VPS8: variants seen among roughly 807,000 people sequenced by gnomAD.
The protein encoded by VPS8 is VPS8 subunit of CORVET complex, also known as vacuolar protein sorting-associated protein 8 homolog.
Under a neutral mutation model 216.4 loss-of-function variants are expected in VPS8, and 129 were observed. That is an observed-to-expected ratio of 0.60 (90% confidence interval 0.52 to 0.69). The LOEUF is 0.69. Among genes scored for constraint, VPS8 ranks in the 30% least tolerant of loss-of-function variants. The pLI is 0.00. For synonymous variants in VPS8, 571 were observed against 565.4 expected, an observed-to-expected ratio of 1.01 and a Z score of -0.14; for missense variants, 1,531 against 1,683.5, an observed-to-expected ratio of 0.91 and a Z score of 1.59.
At position 184,929,596 on chromosome 3, in the gene VPS8, T is replaced by C. The variant is rs1246845684; in HGVS notation, c.2731T>C (p.Phe911Leu). The C allele has an allele frequency of 6.5e-7, 1 of 1,528,542 alleles. No homozygotes were observed. Among genetic ancestry groups the C allele is most frequent in the Non-Finnish European group, 8.8e-7 (1 of 1,131,670 alleles). 94.7% of individuals were successfully genotyped at this position (1,528,542 alleles called of 1,614,324 possible). A position where few individuals can be genotyped will look rare whatever the true frequency, so the allele number is the denominator to read the frequency against. ...EKAEFYQICE[F>L]MYEREHQYDK... ...ACATTCTAGCTATCAAATTTGTGAATTTATGTATGAAAGAGAACACCAATA... is the reference window on the plus strand; with the variant it reads ...ACATTCTAGCTATCAAATTTGTGAACTTATGTATGAAAGAGAACACCAATA... Residue 911 changes from phenylalanine to leucine, a missense_variant, in exon 33 of 48, where the codon TTT becomes CTT. Phe to Leu is a conservative substitution (Grantham distance 22). Transcript: ENST00000625842.
chr3:184,860,973 C>T (rs1428765736), intron 15 of VPS8, among the ~76,000 whole-genome samples: 3 of 151,966 alleles, frequency 2.0e-5, no homozygotes, highest in South Asian at 2.1e-4. Context: ...AGGTGCCCCC[C>T]CATCACGCCT....
intron 40 of VPS8, among the ~76,000 whole-genome samples, chr3:184,975,994 T>A (rs563357127): frequency 1.6e-4 from 24 of 152,286 alleles, no homozygotes; most frequent in African/African-American, 5.5e-4. Context: ...TTTGTCCTCC[T>A]TCCTCATTCC....
chr3:184,898,694 C>T, intron 24 of VPS8, 40 bp downstream of exon 24: 2 of 1,455,832 alleles, frequency 1.4e-6, no homozygotes, highest in East Asian at 5.1e-5. Flanking sequence ...TTAATTTTGT[C>T]TACTAACTTT....
rs530384706 is a variant in VPS8, at chr3:184,999,036, C to T, written c.3837-660C>T. Among the ~76,000 whole-genome samples the T allele has an allele frequency of 1.3e-5, 2 of 151,874 alleles. 1 individual carries two copies. The highest frequency in any genetic ancestry group is 4.2e-4 in the South Asian group (2 of 4,816). ...ATCTGGGACTACAGGTGTGTGCCAC[C>T]ACACCTGGCTAATTTTTTGGTTTTT... On this transcript the variant is annotated intron_variant, in intron 44 of 47. Transcript: ENST00000625842.
At chr3:184,825,413 A>G (rs147259742) in intron 2 of VPS8, among the ~76,000 whole-genome samples, 1 of 151,924 alleles carries the variant, frequency 6.6e-6, no homozygotes, top group Admixed American at 6.6e-5. Flanking sequence ...ATGGGTTTCT[A>G]TGAGTATGAG....
At chr3:185,014,647 T>C (rs559214842) in intron 45 of VPS8, among the ~76,000 whole-genome samples, 1 of 152,322 alleles carries the variant, frequency 6.6e-6, no homozygotes, top group East Asian at 1.9e-4. Context: ...TTAAAGTTAG[T>C]AATGCTAGAT....
At chr3:184,873,758 T>C (rs1469869359) in intron 21 of VPS8, among the ~76,000 whole-genome samples, 6 of 152,204 alleles carry the variant, frequency 3.9e-5, no homozygotes, top group Non-Finnish European at 2.9e-5. Flanking sequence ...ATGTAATGTG[T>C]AATATCATTA....
At chr3:184,941,104 ATG>A (rs1412312870) in intron 36 of VPS8, among the ~76,000 whole-genome samples, 1 of 152,232 alleles carries the variant, frequency 6.6e-6, no homozygotes, top group African/African-American at 2.4e-5. Context: ...ATTATAATAT[ATG>A]CTGGCCATTG....
At chr3:184,890,908 A>G (rs956338661) in intron 22 of VPS8, among the ~76,000 whole-genome samples, 4 of 152,090 alleles carry the variant, frequency 2.6e-5, no homozygotes, top group African/African-American at 7.2e-5. Flanking sequence ...AAAAGACACA[A>G]TGTCTTAAGG....
intron 36 of VPS8, among the ~76,000 whole-genome samples, chr3:184,950,217 T>TTTTTTTTTTC: frequency 6.6e-5 from 2 of 30,530 alleles, no homozygotes; most frequent in Non-Finnish European, 1.4e-4. Flanking sequence ...AGTTTTCTGC[T>TTTTTTTTTTC]TTTTTTTTTT....
At chr3:184,964,908 A>G (rs1747137656) in intron 38 of VPS8, among the ~76,000 whole-genome samples, 1 of 152,168 alleles carries the variant, frequency 6.6e-6, no homozygotes, top group East Asian at 1.9e-4. Context: ...TGGGTGTACA[A>G]ACGCCTTTGA....
At chr3:184,903,307 A>G (rs527897531) in intron 25 of VPS8, among the ~76,000 whole-genome samples, 16 of 152,240 alleles carry the variant, frequency 1.1e-4, no homozygotes, top group African/African-American at 3.9e-4. Context: ...AAATCAGCTC[A>G]TCAGTTTTTT....
In VPS8 at chr3:185,026,986, G is replaced by A. The variant is rs1757463470; in HGVS notation, c.4056+2597G>A. On this transcript the variant is annotated intron_variant, in intron 46 of 47. Transcript: ENST00000625842. The stretch of plus-strand genomic sequence containing the variant: ...AGCCTCCCAAAGTGCTGGGATTACA[G>A]GCGTGAGCCACCACGCCCAGCCAGC... Among the ~76,000 whole-genome samples, 3 of 152,020 alleles carry A rather than the reference G, an allele frequency of 2.0e-5. No individual in the cohort carries two copies. The South Asian group carries it at 6.2e-4, about 31-fold the overall frequency.
Position 184,853,863 on chromosome 3 carries a change from G to C in VPS8, c.828G>C (p.Val276=), listed in dbSNP as rs375948258. 1.9e-6 allele frequency: 3 copies of C among 1,572,728 alleles called. No individual in the cohort carries two copies. The highest frequency in any genetic ancestry group is 8.6e-7 in the Non-Finnish European group (1 of 1,157,812). Residue 276 remains valine, a synonymous_variant, in exon 12 of 48, where the codon GTG becomes GTC. Coordinates refer to ENST00000625842, the MANE Select transcript of VPS8 (RefSeq NM_001009921.3). ...TTTCAAATTGCATTTTCAGGAGAGTGATGGGAGTGAGAACCTGTGAATCTA... is the reference window on the plus strand; with the variant it reads ...TTTCAAATTGCATTTTCAGGAGAGTCATGGGAGTGAGAACCTGTGAATCTA... ...GSVFELTFKR[V]MGVRTCESRC...
rs1179999989 is a variant in VPS8 at position 184,843,134 on chromosome 3, T to C, written c.536-106T>C. ...ATCATTCCCACAGATAACTAAAGCT[T>C]GTCACTTATATTCTTGAAATTTTTT... On this transcript the variant is annotated intron_variant, in intron 7 of 47. Coordinates refer to ENST00000625842, the MANE Select transcript of VPS8 (RefSeq NM_001009921.3). 4 of 740,490 alleles carry C rather than the reference T, an allele frequency of 5.4e-6. No individual in the cohort carries two copies. The Admixed American group carries it at 1.0e-4, about 19-fold the overall frequency. 45.9% of individuals were successfully genotyped at this position (740,490 alleles called of 1,614,324 possible).
chr3:184,822,067 G>C (rs1577712426), intron 1 of VPS8, among the ~76,000 whole-genome samples: 1 of 129,608 alleles, frequency 7.7e-6, no homozygotes, highest in Middle Eastern at 3.7e-3. Flanking sequence ...TAGAAATAGA[G>C]AGGTTCAGAA....
chr3:185,001,091 A>C (rs756091125), intron 45 of VPS8, among the ~76,000 whole-genome samples: 2 of 152,188 alleles, frequency 1.3e-5, no homozygotes, highest in South Asian at 4.1e-4. Flanking sequence ...TGGGGATACA[A>C]TGGTAGACAA....
chr3:185,041,470 C>T (rs891893977), intron 46 of VPS8, among the ~76,000 whole-genome samples: 4 of 152,076 alleles, frequency 2.6e-5, no homozygotes, highest in African/African-American at 9.7e-5. Flanking sequence ...AAGGGAACTC[C>T]CTCAGCAAAA....
intron 36 of VPS8, among the ~76,000 whole-genome samples, chr3:184,949,179 C>T (rs1357958257): frequency 6.6e-6 from 1 of 151,998 alleles, no homozygotes; most frequent in Non-Finnish European, 1.5e-5. Context: ...CACCTAGAGT[C>T]CCAGCTACTT....
Sources: allele counts gnomAD v4.1 joint callset (sites outside exome capture counted in the v4.1 genomes callset), GRCh38; gene constraint gnomAD v4.1.1; transcripts MANE v1.5; gene names NCBI Gene and HGNC (gene_info 2026-07-23, HGNC 2026-07-21).